Variants in RALB observed in about 807,000 individuals in gnomAD.
RALB encodes ras-related protein Ral-B.
Under a neutral mutation model 21.3 loss-of-function variants are expected in RALB, and 16 were observed. The observed-to-expected ratio is 0.75, with a 90% CI of 0.51 to 1.14. RALB has a LOEUF of 1.14. Among genes scored for constraint, RALB ranks in the 50% most tolerant of loss-of-function variants. RALB has a pLI of 0.00. For synonymous variants in RALB, 93 were observed against 96.1 expected (o/e 0.97, Z 0.19); for missense variants, 161 against 256.2 (o/e 0.63, Z 2.54).
chr2:120,251,642 A>G (rs1353881282), upstream of RALB, among the ~76,000 whole-genome samples: 1 of 152,232 alleles, frequency 6.6e-6, no homozygotes, highest in East Asian at 1.9e-4. Context: ...TAGGTTATAA[A>G]TACTAGGGAG....
chr2:120,259,942 T>C (rs1205088422), intron 1 of RALB, among the ~76,000 whole-genome samples: 4 of 152,140 alleles, frequency 2.6e-5, no homozygotes, highest in South Asian at 2.1e-4. Context: ...GCAGTGCCGG[T>C]GGGCCAGCAC....
intron 2 of RALB, among the ~76,000 whole-genome samples, chr2:120,282,433 G>A (rs1690011537): frequency 6.6e-6 from 1 of 151,482 alleles, no homozygotes; most frequent in African/African-American, 2.4e-5. Flanking sequence ...AGCCAAGATC[G>A]CACCATTGCA....
chr2:120,274,339 AT>A (rs200234689), intron 1 of RALB, among the ~76,000 whole-genome samples: 2 of 151,780 alleles, frequency 1.3e-5, no homozygotes, highest in African/African-American at 4.8e-5. Context: ...TAGCTCACTT[AT>A]TTAAAAAAAA....
chr2:120,252,713 G>T, upstream of RALB: 1 of 940,566 alleles, frequency 1.1e-6, no homozygotes, highest in Non-Finnish European at 1.3e-6. Flanking sequence ...GCCGCCCGCT[G>T]CTTGGAAAAT....
At chr2:120,274,879 G>T (rs1446302734) in intron 1 of RALB, among the ~76,000 whole-genome samples, 3 of 152,074 alleles carry the variant, frequency 2.0e-5, no homozygotes, top group African/African-American at 7.2e-5. Context: ...AGTCCTGCTT[G>T]TTACTGCCAT....
chr2:120,240,285 T>A (rs1278554313), intron 1 of RALB, among the ~76,000 whole-genome samples: 8 of 142,004 alleles, frequency 5.6e-5, no homozygotes, highest in African/African-American at 2.0e-4. Context: ...TTTTTTATTT[T>A]TATTTTTATT....
At chr2:120,259,895 C>T (rs546780617) in intron 1 of RALB, among the ~76,000 whole-genome samples, 60 of 152,332 alleles carry the variant, frequency 3.9e-4, no homozygotes, top group African/African-American at 1.2e-3. Context: ...AGCCCTGCCC[C>T]GTGGGAAGGC....
intron 1 of RALB, among the ~76,000 whole-genome samples, chr2:120,269,743 T>A (rs1689614194): frequency 6.6e-6 from 1 of 152,198 alleles, no homozygotes; most frequent in African/African-American, 2.4e-5. Context: ...ATGCAAGAAT[T>A]CCCCATTGAT....
At chr2:120,245,897 A>G (rs1574840837) in intron 1 of RALB, among the ~76,000 whole-genome samples, 2 of 152,276 alleles carry the variant, frequency 1.3e-5, no homozygotes, top group East Asian at 3.9e-4. Context: ...TAGCCATGGT[A>G]AAAAATTAAA....
chr2:120,240,346 G>A (rs1054960843), intron 1 of RALB, among the ~76,000 whole-genome samples: 3 of 150,950 alleles, frequency 2.0e-5, no homozygotes, highest in African/African-American at 4.9e-5. Flanking sequence ...GTGCAGTGGC[G>A]TGATCTTGGT....
Position 120,252,966 on chromosome 2 carries a change from C to T in RALB, c.-62C>T, listed in dbSNP as rs1689092723. The T allele has an allele frequency of 1.0e-6, 1 of 985,218 alleles. No individual in the cohort carries two copies. The highest frequency in any genetic ancestry group is 1.2e-6 in the Non-Finnish European group (1 of 830,110). 61.0% of individuals were successfully genotyped at this position (985,218 alleles called of 1,614,324 possible). ...GGCCGGGTGCGGACGGCGGAGGCGGCGGGACTGGTCCCTGGTAAGGGCGCG... is the reference window on the plus strand; with the variant it reads ...GGCCGGGTGCGGACGGCGGAGGCGGTGGGACTGGTCCCTGGTAAGGGCGCG... On this transcript the variant is annotated 5_prime_UTR_variant, in exon 1 of 5. Transcript: ENST00000272519.
At chr2:120,261,785 T>C (rs1030621513) in intron 1 of RALB, among the ~76,000 whole-genome samples, 2 of 152,146 alleles carry the variant, frequency 1.3e-5, no homozygotes, top group Admixed American at 1.3e-4. Flanking sequence ...GGTCTTGTTA[T>C]GCAGAGAGAG....
upstream of RALB, among the ~76,000 whole-genome samples, chr2:120,251,563 C>A (rs892535127): frequency 2.0e-5 from 3 of 152,186 alleles, no homozygotes; most frequent in Admixed American, 1.3e-4. Context: ...TAATCCTATG[C>A]TTCCAGACTC....
intron 3 of RALB, among the ~76,000 whole-genome samples, chr2:120,289,238 C>CTTTTTTT (rs1188115492): frequency 9.9e-6 from 1 of 101,166 alleles, no homozygotes; most frequent in African/African-American, 3.2e-5. Flanking sequence ...CATTTTTCTT[C>CTTTTTTT]TTTTTGTTTT....
intron 2 of RALB, among the ~76,000 whole-genome samples, chr2:120,283,168 C>G (rs1690040072): frequency 6.6e-6 from 1 of 152,188 alleles, no homozygotes; most frequent in Non-Finnish European, 1.5e-5. Context: ...GCTCTGTGTT[C>G]AGGGAGGCCG....
chr2:120,279,410 G>C (rs1689928253), intron 2 of RALB, among the ~76,000 whole-genome samples: 1 of 152,030 alleles, frequency 6.6e-6, no homozygotes, highest in African/African-American at 2.4e-5. Context: ...AAGCAATGTA[G>C]AATGAAACGT....
chr2:120,260,621 A>G (rs73948775), intron 1 of RALB, among the ~76,000 whole-genome samples: 4,187 of 152,256 alleles, frequency 0.027, 206 homozygotes, highest in African/African-American at 0.096. Flanking sequence ...GCGCCGAGAA[A>G]GGGCCCAGAG....
chr2:120,281,241 C>T (rs183784346), intron 2 of RALB, among the ~76,000 whole-genome samples: 178 of 152,286 alleles, frequency 1.2e-3, no homozygotes, highest in African/African-American at 4.2e-3. Context: ...CTACAAGTTG[C>T]CCGCAGGCCC....
At position 120,252,924 on chromosome 2, in the gene RALB, C is replaced by T. The variant is rs1689090939; in HGVS notation, c.-104C>T. The stretch of plus-strand genomic sequence containing the variant: ...GGTCCGGCCCCGGGAGGGGGCGGGG[C>T]GCGTTTAAGAGCTGCGGGCCGGGTG... On this transcript the variant is annotated 5_prime_UTR_variant, in exon 1 of 5. Transcript: ENST00000272519. 1.0e-6 allele frequency: 1 copy of T among 985,342 alleles called. No homozygotes were observed. Among genetic ancestry groups the T allele is most frequent in the African/African-American group, 1.7e-5 (1 of 57,246 alleles). The allele number at this position is 985,342 out of a possible 1,614,324, so 61.0% of individuals were successfully genotyped here.
Sources: allele counts gnomAD v4.1 joint callset (sites outside exome capture counted in the v4.1 genomes callset), GRCh38; gene constraint gnomAD v4.1.1; transcripts MANE v1.5; gene names NCBI Gene and HGNC (gene_info 2026-07-23, HGNC 2026-07-21).